TACC2: variants seen among roughly 807,000 people sequenced by gnomAD.
TACC2 encodes transforming acidic coiled-coil containing protein 2.
In TACC2, 137 loss-of-function variants were observed where a neutral mutation model predicts 227.3. That is an observed-to-expected ratio of 0.60 (90% CI 0.52 to 0.69). TACC2 has a LOEUF of 0.69. TACC2 is among the 30% of genes least tolerant of loss of function. The probability of loss-of-function intolerance (pLI) is 0.00; values close to 1 mark genes in which losing one functional copy is unlikely to be tolerated. For synonymous variants in TACC2, 1,523 were observed against 1,487.5 expected, an observed-to-expected ratio of 1.02 and a Z score of -0.55; for missense variants, 3,470 against 3,694.4, an observed-to-expected ratio of 0.94 and a Z score of 1.57.
chr10:122,248,975 G>A (rs1318883264), intron 20 of TACC2, 75 bp from the exon 21 acceptor site: 3 of 1,508,118 alleles, frequency 2.0e-6, no homozygotes, highest in South Asian at 2.3e-5. Context: ...GCATCCGAGA[G>A]TTCCTGGGGT....
At chr10:122,157,849 A>C (rs1026663672) in intron 7 of TACC2, among the ~76,000 whole-genome samples, 1 of 152,138 alleles carries the variant, frequency 6.6e-6, no homozygotes, top group East Asian at 1.9e-4. Context: ...TTAAAAAAAA[A>C]AGAAAGCTGA....
chr10:122,119,812 G>A (rs4456195), intron 5 of TACC2, among the ~76,000 whole-genome samples: 66,803 of 151,918 alleles, frequency 0.44, 15,387 homozygotes, highest in South Asian at 0.59. Context: ...TCAGCTACTC[G>A]GGAGGCTGAC....
Position 122,014,893 on chromosome 10 carries a change from G to C in TACC2, c.-45-7044G>C, listed in dbSNP as rs1270404469. Among the ~76,000 whole-genome samples, 4 of 152,134 alleles carry C rather than the reference G, an allele frequency of 2.6e-5. No individual in the cohort carries two copies. The East Asian group carries it at 7.7e-4, about 29-fold the overall frequency. ...GATGGTACCTTCCAAACCAGCTTTAGTTGCCAACAACTAGAAAGCCATGCT... is the reference window on the plus strand; with the variant it reads ...GATGGTACCTTCCAAACCAGCTTTACTTGCCAACAACTAGAAAGCCATGCT... On this transcript the variant is annotated intron_variant, in intron 1 of 22. Transcript: ENST00000369005.
chr10:122,026,730 T>C (rs1455199740), intron 2 of TACC2, among the ~76,000 whole-genome samples: 1 of 152,192 alleles, frequency 6.6e-6, no homozygotes, highest in African/African-American at 2.4e-5. Flanking sequence ...TCCTACAGTA[T>C]GTAGCCTTTT....
chr10:122,097,435 C>T (rs187500184), intron 5 of TACC2, among the ~76,000 whole-genome samples: 5 of 152,022 alleles, frequency 3.3e-5, no homozygotes, highest in East Asian at 1.9e-4. Context: ...GTCTATGTCC[C>T]GAGAGAGGGC....
At position 122,215,397 on chromosome 10, in the gene TACC2, A is replaced by C; in HGVS notation, c.7290A>C (p.Thr2430=). Residue 2430 remains threonine, a synonymous_variant, in exon 10 of 23, where the codon ACA becomes ACC. Coordinates refer to ENST00000369005, the MANE Select transcript of TACC2 (RefSeq NM_206862.4). ...KKKKTPLKTD[T]FRVKKSPKRS... Reference sequence around the variant, plus strand: ...TTTTCCATTTTGTTTCCAGTGACACATTTAGGGTGAAAAAGTCGCCAAAAC... The same window carrying C: ...TTTTCCATTTTGTTTCCAGTGACACCTTTAGGGTGAAAAAGTCGCCAAAAC... The C allele has an allele frequency of 6.2e-7, 1 of 1,613,812 alleles. No individual in the cohort carries two copies. Among genetic ancestry groups the C allele is most frequent in the South Asian group, 1.1e-5 (1 of 91,066 alleles).
At chr10:122,192,619 G>A (rs1459385280) in intron 7 of TACC2, 1 of 447,926 alleles carries the variant, frequency 2.2e-6, no homozygotes, top group East Asian at 7.1e-5. Context: ...AGGTCCAAGA[G>A]ATACGAGCAG....
chr10:122,106,524 T>C (rs370043862), intron 5 of TACC2, among the ~76,000 whole-genome samples: 12 of 152,222 alleles, frequency 7.9e-5, no homozygotes, highest in Admixed American at 6.5e-4. Flanking sequence ...AACATAATTT[T>C]AAAGGAAGCT....
intron 2 of TACC2, among the ~76,000 whole-genome samples, chr10:122,034,906 C>T (rs1004447379): frequency 5.0e-5 from 7 of 139,232 alleles, no homozygotes; most frequent in East Asian, 2.1e-4. Flanking sequence ...CCAGCCTGGG[C>T]GATAGAGTGA....
chr10:122,113,975 G>A (rs562108719), intron 5 of TACC2, among the ~76,000 whole-genome samples: 1 of 152,302 alleles, frequency 6.6e-6, no homozygotes, highest in East Asian at 1.9e-4. Context: ...CTTCAATCCT[G>A]GTCTTTTCTT....
At chr10:122,183,289 C>T (rs1056717001) in intron 7 of TACC2, among the ~76,000 whole-genome samples, 1 of 152,204 alleles carries the variant, frequency 6.6e-6, no homozygotes, top group African/African-American at 2.4e-5. Flanking sequence ...TGCTCCTGCT[C>T]TGAATCCTGT....
intron 7 of TACC2, among the ~76,000 whole-genome samples, chr10:122,179,816 A>C (rs111415336): frequency 0.032 from 4,814 of 152,200 alleles, 101 homozygotes; most frequent in Non-Finnish European, 0.047. Context: ...GTGGTGGCTT[A>C]CACCTGTAGT....
At position 122,087,734 on chromosome 10, in the gene TACC2, G is replaced by T. The variant is rs746787282; in HGVS notation, c.5234G>T (p.Ser1745Ile). 1.9e-6 allele frequency: 3 copies of T among 1,611,938 alleles called. No homozygotes were observed. The South Asian group carries it at 3.3e-5, about 18-fold the overall frequency. Residue 1745 changes from serine (S) to isoleucine (I), a missense_variant, in exon 4 of 23, where the codon AGC becomes ATC. Physicochemically the swap from Ser to Ile is moderately radical, Grantham distance 142. This residue lies in a region of TACC2 where 1,924 missense variants were observed against 1,978.3 expected (regional missense o/e 0.97). Transcript: ENST00000369005. ...GCAGGTGACTTGGTGCTGCCAGGAA[G>T]CTGTCAGGACCCAGCCTGCTCTGAC... The part of the protein sequence containing the change: ...VVAGDLVLPG[S>I]CQDPACSDKA...
rs572735544 is a variant in TACC2, at chr10:121,992,941, T to A, written c.-46+3453T>A. On this transcript the variant is annotated intron_variant, in intron 1 of 22. Coordinates refer to ENST00000369005, the MANE Select transcript of TACC2 (RefSeq NM_206862.4). The stretch of plus-strand genomic sequence containing the variant: ...CTGCACTCCAGCCTGGGCAACAGAG[T>A]GAGACTGTCTCTAAAAAAAAAAAAA... Among the ~76,000 whole-genome samples, 7 of 145,502 alleles carry A rather than the reference T, an allele frequency of 4.8e-5. No homozygotes were observed. The East Asian group carries it at 1.2e-3, about 25-fold the overall frequency.
rs1399147494 is a variant in TACC2, at chr10:122,141,501, G to A, written c.5700-2071G>A. Among the ~76,000 whole-genome samples the A allele has an allele frequency of 3.3e-5, 5 of 152,184 alleles. No individual in the cohort carries two copies. Among genetic ancestry groups the A allele is most frequent in the African/African-American group, 7.2e-5 (3 of 41,438 alleles). On this transcript the variant is annotated intron_variant, in intron 6 of 22. Coordinates refer to ENST00000369005, the MANE Select transcript of TACC2 (RefSeq NM_206862.4). The surrounding 1 kb of genome is among the most constrained non-coding windows in gnomAD (Gnocchi z 4.3). ...TGGCCCCTCAGGAACAGGAGCAGCTGTGGGTGTTAAGGGCAGGCGGGGGAG... is the reference window on the plus strand; with the variant it reads ...TGGCCCCTCAGGAACAGGAGCAGCTATGGGTGTTAAGGGCAGGCGGGGGAG...
intron 5 of TACC2, among the ~76,000 whole-genome samples, chr10:122,103,654 C>G (rs575949537): frequency 6.6e-6 from 1 of 152,246 alleles, no homozygotes; most frequent in South Asian, 2.1e-4. Context: ...CCCCACATAC[C>G]CTTTCAGTTT....
At chr10:122,043,814 A>T (rs573869355) in intron 2 of TACC2, among the ~76,000 whole-genome samples, 1 of 152,196 alleles carries the variant, frequency 6.6e-6, no homozygotes, top group Non-Finnish European at 1.5e-5. Context: ...TCCTGACCGC[A>T]AGTGATCTGC....
chr10:122,154,672 A>G (rs896586973), intron 7 of TACC2, among the ~76,000 whole-genome samples: 4 of 152,202 alleles, frequency 2.6e-5, no homozygotes. Flanking sequence ...CTCAGACACA[A>G]TTGTATATTA....
intron 8 of TACC2, among the ~76,000 whole-genome samples, chr10:122,203,085 C>T (rs1384772210): frequency 6.6e-6 from 1 of 152,200 alleles, no homozygotes; most frequent in Non-Finnish European, 1.5e-5. Context: ...GGCAACCATC[C>T]GATTTCTCAA....
Sources: allele counts gnomAD v4.1 joint callset (sites outside exome capture counted in the v4.1 genomes callset), GRCh38; gene constraint gnomAD v4.1.1; regional missense constraint gnomAD v4.1.1; non-coding constraint Gnocchi (gnomAD v3.1); transcripts MANE v1.5; gene names NCBI Gene and HGNC (gene_info 2026-07-23, HGNC 2026-07-21).